Variants in SMIM35 observed in about 807,000 individuals in gnomAD.
SMIM35 encodes the protein TMPRSS4 antisense RNA 1 (non-protein coding).
Position 118,081,166 on chromosome 11 carries a change from C to T in SMIM35, c.7+5585G>A, listed in dbSNP as rs528833275. ...TAATCAAAGACAGAATCCCCTATAA[C>T]CAATTTCTGATTTATCTGACACTGA... On this transcript the variant is annotated intron_variant, in intron 1 of 4. Coordinates refer to ENST00000689828, the MANE Select transcript of SMIM35 (RefSeq NM_001394165.1). Among the ~76,000 whole-genome samples the T allele has an allele frequency of 3.9e-4, 59 of 152,230 alleles. No homozygotes were observed. In the South Asian group the frequency reaches 4.1e-3, roughly 11 times the overall value.
chr11:118,011,458 G>A (rs552640293), intron 4 of SMIM35, among the ~76,000 whole-genome samples: 5 of 152,290 alleles, frequency 3.3e-5, no homozygotes, highest in South Asian at 4.1e-4. Flanking sequence ...TTGGGAGGCC[G>A]AGGCGGGTGG....
chr11:118,012,387 C>T (rs2058155060), intron 4 of SMIM35, among the ~76,000 whole-genome samples: 1 of 152,202 alleles, frequency 6.6e-6, no homozygotes, highest in Non-Finnish European at 1.5e-5. Context: ...TGCTGTCTAC[C>T]AAACTACAGT....
chr11:118,086,009 G>A (rs920677561), intron 1 of SMIM35, among the ~76,000 whole-genome samples: 5 of 152,234 alleles, frequency 3.3e-5, no homozygotes, highest in Non-Finnish European at 5.9e-5. Flanking sequence ...GTAAACAGCA[G>A]CATCACCTGG....
intron 1 of SMIM35, among the ~76,000 whole-genome samples, chr11:118,030,661 A>T (rs1052177277): frequency 6.6e-6 from 1 of 152,014 alleles, no homozygotes; most frequent in Non-Finnish European, 1.5e-5. Flanking sequence ...GGAGGAGGGT[A>T]TCCATAAAGA....
At chr11:118,026,420 A>G (rs1370131620) in intron 1 of SMIM35, among the ~76,000 whole-genome samples, 1 of 152,222 alleles carries the variant, frequency 6.6e-6, no homozygotes, top group Non-Finnish European at 1.5e-5. Context: ...TATCTCTACT[A>G]TATGAATAAT....
At chr11:118,027,413 A>G (rs2058284198) in intron 1 of SMIM35, among the ~76,000 whole-genome samples, 1 of 152,090 alleles carries the variant, frequency 6.6e-6, no homozygotes, top group African/African-American at 2.4e-5. Flanking sequence ...CTGTAATTAG[A>G]GCTCCTAATA....
intron 1 of SMIM35, among the ~76,000 whole-genome samples, chr11:118,083,081 C>T (rs1945280403): frequency 6.6e-6 from 1 of 152,268 alleles, no homozygotes; most frequent in Middle Eastern, 3.4e-3. Context: ...GGGGCTCGGT[C>T]GAATCCCCCA....
At chr11:118,051,446 A>G (rs906151873) in intron 1 of SMIM35, among the ~76,000 whole-genome samples, 8 of 152,264 alleles carry the variant, frequency 5.3e-5, no homozygotes, top group South Asian at 2.1e-4. Context: ...TTATTTGATT[A>G]AAGGCAACTT....
At chr11:118,070,987 G>T (rs148711414) in intron 1 of SMIM35, among the ~76,000 whole-genome samples, 2 of 152,346 alleles carry the variant, frequency 1.3e-5, no homozygotes, top group East Asian at 3.9e-4. Context: ...TTGTGAAATG[G>T]AGGTAATAGC....
chr11:118,062,418 C>A (rs1192819886), intron 1 of SMIM35, among the ~76,000 whole-genome samples: 1 of 152,206 alleles, frequency 6.6e-6, no homozygotes, highest in Non-Finnish European at 1.5e-5. Context: ...GGGGCCAAGA[C>A]CACAGGCCAG....
intron 1 of SMIM35, among the ~76,000 whole-genome samples, chr11:118,048,537 A>AGAAGGAAGGAAGGAAGGAAG (rs59910847): frequency 1.6e-5 from 2 of 122,770 alleles, no homozygotes; most frequent in African/African-American, 6.6e-5. Flanking sequence ...GAAGAAAGAA[A>AGAAGGAAGGAAGGAAGGAAG]GAAGGAAGGA....
intron 1 of SMIM35, among the ~76,000 whole-genome samples, chr11:118,075,584 C>T (rs1330288990): frequency 6.6e-6 from 1 of 152,172 alleles, no homozygotes; most frequent in Non-Finnish European, 1.5e-5. Context: ...TACTTCATGT[C>T]CATAGGCTAT....
intron 1 of SMIM35, among the ~76,000 whole-genome samples, chr11:118,032,672 C>G (rs776123051): frequency 6.6e-6 from 1 of 151,998 alleles, no homozygotes; most frequent in Non-Finnish European, 1.5e-5. Context: ...TTTGAGAGGC[C>G]GAGATGTGGG....
In SMIM35 at chr11:118,013,137, C is replaced by T. The variant is rs919064423; in HGVS notation, c.*33+611G>A. Among the ~76,000 whole-genome samples the T allele has an allele frequency of 5.9e-5, 9 of 152,196 alleles. No homozygotes were observed. In the South Asian group the frequency reaches 1.7e-3, roughly 28 times the overall value. On this transcript the variant is annotated intron_variant, in intron 4 of 4. Transcript: ENST00000689828. ...GGACTCCCATACCATAGGCTGGTGG[C>T]GTATCCAGAGGAGACCCCCTCATTC... is the stretch of plus-strand genomic sequence containing the variant.
intron 1 of SMIM35, among the ~76,000 whole-genome samples, chr11:118,064,428 C>T (rs927933626): frequency 1.1e-4 from 17 of 152,182 alleles, no homozygotes; most frequent in African/African-American, 3.6e-4. Flanking sequence ...TCCTCAGAGT[C>T]ATCACTAATA....
chr11:118,013,902 G>T, intron 3 of SMIM35, 22 bp from the exon 4 acceptor site: 1 of 399,014 alleles, frequency 2.5e-6, no homozygotes. Flanking sequence ...GATCCAATCA[G>T]GCTACTGGAG....
At position 118,013,843 on chromosome 11, in the gene SMIM35, T is replaced by C. The variant is rs61742159; in HGVS notation, c.196A>G (p.Ile66Val). The C allele has an allele frequency of 6.6e-3, 2,649 of 399,092 alleles. 63 individuals are homozygous for C. Among genetic ancestry groups the C allele is most frequent in the African/African-American group, 0.049 (2,381 of 48,740 alleles). The allele number at this position is 399,092 out of a possible 1,614,324, so 24.7% of individuals were successfully genotyped here. ...KDLEMGPPFT[I>V]SGHISSTDGG... Reference sequence around the variant, plus strand: ...TCTGTGCTGCTGATGTGACCACTGATGGTGAAGGGTGGACCCATCTCCAGA... The same window carrying C: ...TCTGTGCTGCTGATGTGACCACTGACGGTGAAGGGTGGACCCATCTCCAGA... The change falls in exon 4 of 5, where the codon ATC (isoleucine) becomes GTC (valine). Residue 66 changes from isoleucine (I) to valine (V), a missense_variant. Transcript: ENST00000689828.
At chr11:118,051,789 T>C (rs1417028477) in intron 1 of SMIM35, among the ~76,000 whole-genome samples, 2 of 152,218 alleles carry the variant, frequency 1.3e-5, no homozygotes, top group Non-Finnish European at 2.9e-5. Flanking sequence ...CATTTTCCTG[T>C]ACTGGTGCCC....
chr11:118,047,962 T>G (rs1591297173), intron 1 of SMIM35, among the ~76,000 whole-genome samples: 1 of 151,976 alleles, frequency 6.6e-6, no homozygotes, highest in East Asian at 1.9e-4. Flanking sequence ...TCTTAGGAGG[T>G]GTCTCTGGGG....
Sources: allele counts gnomAD v4.1 joint callset (sites outside exome capture counted in the v4.1 genomes callset), GRCh38; gene constraint gnomAD v4.1.1; transcripts MANE v1.5; gene names NCBI Gene and HGNC (gene_info 2026-07-23, HGNC 2026-07-21).